CRADD: variants seen among roughly 807,000 people sequenced by gnomAD.
CRADD encodes the protein CARD and death domain containing adaptor protein.
In CRADD, 9 loss-of-function variants were observed where a neutral mutation model predicts 15.5. The observed-to-expected ratio is 0.58, with a 90% CI of 0.35 to 1.01. CRADD has a LOEUF of 1.01. Among genes scored for constraint, CRADD ranks in the 50% least tolerant of loss-of-function variants. CRADD has a pLI of 0.02. For synonymous variants in CRADD, 118 were observed against 107.6 expected, an observed-to-expected ratio of 1.10 and a Z score of -0.60; for missense variants, 227 against 250.3, an observed-to-expected ratio of 0.91 and a Z score of 0.63.
chr12:93,862,452 G>T (rs1958326291), intron 2 of CRADD, among the ~76,000 whole-genome samples: 1 of 152,178 alleles, frequency 6.6e-6, no homozygotes, highest in African/African-American at 2.4e-5. Context: ...TTGAGCTGGG[G>T]CTTGACGGGA....
intron 2 of CRADD, chr12:93,894,001 C>A (rs759440511): frequency 1.4e-6 from 1 of 702,322 alleles, no homozygotes; most frequent in South Asian, 1.5e-5. Context: ...ATTAGCTCAG[C>A]TGATCGCCAT....
Position 93,848,151 on chromosome 12 carries a change from A to AT in CRADD, c.299-1809dup, listed in dbSNP as rs150428836. On this transcript the variant is annotated intron_variant, in intron 2 of 2. Transcript: ENST00000332896. ...TCTTTGCGCTGTTTTCTGTTGCTTT[A>AT]TTTTTTTTTTAATGAGCCTATGTTT... 6.7e-3 allele frequency among the ~76,000 whole-genome samples: 973 copies of AT among 146,236 alleles called. 21 individuals carry two copies. The highest frequency in any genetic ancestry group is 0.04 in the Admixed American group (593 of 14,768).
intron 2 of CRADD, among the ~76,000 whole-genome samples, chr12:93,843,586 G>C (rs1428931944): frequency 6.6e-6 from 1 of 151,818 alleles, no homozygotes; most frequent in Non-Finnish European, 1.5e-5. Context: ...CAGCATGTAT[G>C]CCAGGCTGGT....
At chr12:93,758,261 G>C (rs1250925189) in intron 2 of CRADD, among the ~76,000 whole-genome samples, 4 of 152,124 alleles carry the variant, frequency 2.6e-5, no homozygotes, top group Non-Finnish European at 5.9e-5. Context: ...CCAAAGATCT[G>C]CCAGAACACA....
At chr12:93,888,094 G>C (rs1385162032) in intron 2 of CRADD, among the ~76,000 whole-genome samples, 1 of 152,154 alleles carries the variant, frequency 6.6e-6, no homozygotes, top group Admixed American at 6.5e-5. Flanking sequence ...GTGTGTTTGG[G>C]GAACTGAAAG....
chr12:93,815,326 A>G (rs940205902), intron 2 of CRADD: 1 of 152,238 alleles, frequency 6.6e-6, no homozygotes, highest in Admixed American at 6.5e-5. Context: ...TATAGCAAAC[A>G]CTAATGATGT....
At chr12:93,806,680 A>G (rs1296538123) in intron 2 of CRADD, among the ~76,000 whole-genome samples, 1 of 152,088 alleles carries the variant, frequency 6.6e-6, no homozygotes, top group African/African-American at 2.4e-5. Flanking sequence ...ACATCTAAAT[A>G]TTTCCATCAT....
At chr12:93,722,558 G>A (rs1161405678) in intron 2 of CRADD, among the ~76,000 whole-genome samples, 2 of 151,848 alleles carry the variant, frequency 1.3e-5, no homozygotes, top group East Asian at 3.9e-4. Flanking sequence ...AGTTTTGGAG[G>A]TTTCTATTGA....
At chr12:93,691,292 C>T (rs1228322803) in intron 2 of CRADD, among the ~76,000 whole-genome samples, 2 of 149,620 alleles carry the variant, frequency 1.3e-5, no homozygotes, top group Non-Finnish European at 3.0e-5. Flanking sequence ...TTACTCTCGT[C>T]GCCCAGGCTG....
intron 2 of CRADD, among the ~76,000 whole-genome samples, chr12:93,840,381 T>C (rs546300426): frequency 7.6e-4 from 116 of 152,310 alleles, no homozygotes; most frequent in Non-Finnish European, 1.5e-3. Context: ...GTTGAAATGC[T>C]GCTTTGTAGT....
intron 2 of CRADD, among the ~76,000 whole-genome samples, chr12:93,778,839 A>C (rs757900772): frequency 1.3e-5 from 2 of 152,108 alleles, no homozygotes; most frequent in East Asian, 1.9e-4. Context: ...TGGAAGTAGC[A>C]ATGAATTCAC....
chr12:93,685,536 CTG>C (rs1955408760), intron 2 of CRADD, among the ~76,000 whole-genome samples: 1 of 152,076 alleles, frequency 6.6e-6, no homozygotes, highest in Non-Finnish European at 1.5e-5. Flanking sequence ...AAATGTTACC[CTG>C]TATCCCATAA....
chr12:93,794,346 A>G (rs928643429), intron 2 of CRADD, among the ~76,000 whole-genome samples: 4 of 152,124 alleles, frequency 2.6e-5, no homozygotes, highest in African/African-American at 4.8e-5. Flanking sequence ...AATTTAATGT[A>G]TCCAAATCAT....
chr12:93,686,709 G>A (rs184734568), intron 2 of CRADD, among the ~76,000 whole-genome samples: 98 of 152,288 alleles, frequency 6.4e-4, no homozygotes, highest in Admixed American at 2.0e-3. Context: ...AGAAAACAGA[G>A]GCCTAGGGAG....
At chr12:93,816,469 T>C (rs1183938795) in intron 2 of CRADD, among the ~76,000 whole-genome samples, 1 of 149,420 alleles carries the variant, frequency 6.7e-6, no homozygotes, top group African/African-American at 2.5e-5. Context: ...TCAAGTCATC[T>C]GCCTGCCTCA....
At chr12:93,686,297 TCC>T (rs139496631) in intron 2 of CRADD, among the ~76,000 whole-genome samples, 20,641 of 81,766 alleles carry the variant, frequency 0.25, 3,314 homozygotes, top group East Asian at 0.36. Flanking sequence ...TGAGACTCCA[TCC>T]CCCCCAAAAA....
intron 2 of CRADD, among the ~76,000 whole-genome samples, chr12:93,782,086 A>T: frequency 6.6e-6 from 1 of 152,046 alleles, no homozygotes; most frequent in Non-Finnish European, 1.5e-5. Flanking sequence ...AAGACTTGGA[A>T]CCAACCCAAA....
intron 2 of CRADD, among the ~76,000 whole-genome samples, chr12:93,680,992 C>G (rs1955278951): frequency 6.6e-6 from 1 of 151,874 alleles, no homozygotes. Context: ...TTAAGCAATT[C>G]TTCTGCCTCA....
intron 2 of CRADD, chr12:93,837,563 G>GTT (rs57250118): frequency 0.21 from 31,783 of 151,946 alleles, 3,662 homozygotes; most frequent in East Asian, 0.49. Context: ...CCACCGGGCG[G>GTT]TTTCCATGTG....
Sources: gnomAD v4.1 joint callset for allele counts (sites outside exome capture counted in the v4.1 genomes callset) on GRCh38, gnomAD v4.1.1 for gene constraint, MANE v1.5 for transcripts, NCBI Gene and HGNC (gene_info 2026-07-23, HGNC 2026-07-21) for gene names.